The following ZBTB10 variants were observed in gnomAD, a reference collection of about 807,000 sequenced individuals.
The protein encoded by ZBTB10 is zinc finger and BTB domain-containing protein 10.
ZBTB10 carries 32 observed loss-of-function variants against 76.4 expected under a neutral mutation model. The ratio of observed to expected loss-of-function variants is 0.42; its 90% CI spans 0.32 to 0.56. ZBTB10 has a LOEUF of 0.56. Among genes scored for constraint, ZBTB10 ranks in the 20% least tolerant of loss-of-function variants. The pLI is 0.14. For synonymous variants in ZBTB10, 523 were observed against 432.9 expected (o/e 1.21, Z -2.58); for missense variants, 1,057 against 1,098.5 (o/e 0.96, Z 0.53).
At chr8:80,501,179 G>C (rs755590728) in intron 2 of ZBTB10, among the ~76,000 whole-genome samples, 19 of 152,232 alleles carry the variant, frequency 1.2e-4, no homozygotes, top group Non-Finnish European at 2.5e-4. Context: ...AGCAGGTACT[G>C]TTCTGTTCTC....
At position 80,504,392 on chromosome 8, in the gene ZBTB10, T is replaced by C. The variant is rs532020795; in HGVS notation, c.1861+4010T>C. On this transcript the variant is annotated intron_variant, in intron 2 of 5. Coordinates refer to ENST00000455036, the MANE Select transcript of ZBTB10 (RefSeq NM_001105539.3). ...GGTCTTCAGCACAGAGTTTGTAAGA[T>C]ACAGTTCTAATAACGCTGTCTTGTA... Among the ~76,000 whole-genome samples the C allele has an allele frequency of 1.8e-4, 27 of 152,344 alleles. No homozygotes were observed. The South Asian group carries it at 5.6e-3, about 32-fold the overall frequency.
At chr8:80,486,103 C>T (rs1314771568), upstream of ZBTB10, 2 of 461,832 alleles carry the variant, frequency 4.3e-6, no homozygotes, top group African/African-American at 4.8e-5. Flanking sequence ...GGTCCCCTGG[C>T]GCCCCCACCC....
chr8:80,510,189 A>G (rs183577956), intron 2 of ZBTB10, among the ~76,000 whole-genome samples: 1 of 152,160 alleles, frequency 6.6e-6, no homozygotes, highest in Non-Finnish European at 1.5e-5. Flanking sequence ...ATTAATGTTT[A>G]TTTTTGTTCA....
chr8:80,517,776 G>C (rs1816362063), intron 3 of ZBTB10, among the ~76,000 whole-genome samples: 1 of 148,982 alleles, frequency 6.7e-6, no homozygotes, highest in African/African-American at 2.5e-5. Flanking sequence ...ACTATTAGGA[G>C]TTCTGGTTTG....
chr8:80,495,133 CTCTT>C (rs1434343638), intron 1 of ZBTB10, among the ~76,000 whole-genome samples: 2 of 141,178 alleles, frequency 1.4e-5, no homozygotes, highest in African/African-American at 2.5e-5. Flanking sequence ...ATCTCTCTCT[CTCTT>C]TTTTTTTTTT....
chr8:80,499,756 C>T lies in ZBTB10; in HGVS notation c.1235C>T (p.Ala412Val). 1 of 1,613,960 alleles carries T rather than the reference C, an allele frequency of 6.2e-7. No individual in the cohort carries two copies. Among genetic ancestry groups the T allele is most frequent in the Non-Finnish European group, 8.5e-7 (1 of 1,179,874 alleles). ...NQNNTTHLDI[A>V]AVQGFSVILD... The stretch of plus-strand genomic sequence containing the variant: ...AACAATACTACCCACTTAGATATTG[C>T]TGCAGTTCAAGGTTTTTCAGTCATC... The change falls in exon 2 of 6, where the codon GCT becomes GTT. Residue 412 changes from alanine (A) to valine (V), a missense_variant. This residue lies in a region of ZBTB10 where 86 missense variants were observed against 145.7 expected (regional missense o/e 0.59). Coordinates refer to ENST00000455036, the MANE Select transcript of ZBTB10 (RefSeq NM_001105539.3).
chr8:80,489,778 A>G (rs1020911000), intron 1 of ZBTB10, among the ~76,000 whole-genome samples: 1 of 152,192 alleles, frequency 6.6e-6, no homozygotes, highest in Non-Finnish European at 1.5e-5. Context: ...TCTTTGGGAC[A>G]TTCTATACAA....
At chr8:80,498,806 C>A (rs920337547) in intron 1 of ZBTB10, among the ~76,000 whole-genome samples, 19 of 152,246 alleles carry the variant, frequency 1.2e-4, no homozygotes, top group African/African-American at 4.1e-4. Context: ...AATTTATAAA[C>A]ATTTAGAATT....
Position 80,486,601 on chromosome 8 carries a change from CCGGCAGCGGCAG to C in ZBTB10, c.-200_-189del, listed in dbSNP as rs537446139. The C allele has an allele frequency of 1.6e-5, 16 of 987,066 alleles. No individual in the cohort carries two copies. Among genetic ancestry groups the C allele is most frequent in the Admixed American group, 6.1e-5 (1 of 16,310 alleles). The allele number at this position is 987,066 out of a possible 1,614,324, so 61.1% of individuals were successfully genotyped here. On this transcript the variant is annotated 5_prime_UTR_variant, in exon 1 of 6. Transcript: ENST00000455036. ...CGAGAGAGCGGTCGGAGGCGTCGGC[CCGGCAGCGGCAG>C]CGGCAGCGGACGCGTGCAGCAGACC... is the stretch of plus-strand genomic sequence containing the variant.
intron 1 of ZBTB10, among the ~76,000 whole-genome samples, chr8:80,495,434 C>T (rs1262619916): frequency 6.7e-6 from 1 of 148,980 alleles, no homozygotes; most frequent in East Asian, 1.9e-4. Context: ...TTTTTAAATG[C>T]CGTCGCATTT....
chr8:80,502,429 G>T (rs1815947977), intron 2 of ZBTB10, among the ~76,000 whole-genome samples: 1 of 151,990 alleles, frequency 6.6e-6, no homozygotes, highest in Non-Finnish European at 1.5e-5. Context: ...AGAGACGGGG[G>T]TCTCACCATG....
Position 80,500,282 on chromosome 8 carries a change from T to C in ZBTB10, c.1761T>C (p.Asn587=), listed in dbSNP as rs1158784101. ...KNQTTKRFIY[N]IPPNNETNLE... Reference sequence around the variant, plus strand: ...AAACTACAAAAAGATTTATTTATAATATTCCACCTAATAATGAAACGAATT... The same window carrying C: ...AAACTACAAAAAGATTTATTTATAACATTCCACCTAATAATGAAACGAATT... The change falls in exon 2 of 6, where the codon AAT becomes AAC. Residue 587 remains asparagine, a synonymous_variant. Coordinates refer to ENST00000455036, the MANE Select transcript of ZBTB10 (RefSeq NM_001105539.3). 1 of 1,574,646 alleles carries C rather than the reference T, an allele frequency of 6.4e-7. No individual in the cohort carries two copies. Among genetic ancestry groups the C allele is most frequent in the East Asian group, 2.3e-5 (1 of 42,692 alleles).
At chr8:80,519,108 T>C (rs1221719212) in intron 5 of ZBTB10, 115 bp from the exon 6 acceptor site, 56 of 1,405,424 alleles carry the variant, frequency 4.0e-5, no homozygotes, top group Non-Finnish European at 5.1e-5. Context: ...GTGAGCTTTT[T>C]ACAGAGAAAC....
At chr8:80,503,213 A>G (rs768933288) in intron 2 of ZBTB10, among the ~76,000 whole-genome samples, 4 of 152,216 alleles carry the variant, frequency 2.6e-5, no homozygotes, top group Non-Finnish European at 4.4e-5. Flanking sequence ...TAGAATTATT[A>G]TGAAAATGAA....
At chr8:80,498,161 T>G (rs934584121) in intron 1 of ZBTB10, among the ~76,000 whole-genome samples, 3 of 152,324 alleles carry the variant, frequency 2.0e-5, no homozygotes, top group Admixed American at 2.0e-4. Context: ...TTCGTGATTG[T>G]TTAGGGATCC....
chr8:80,511,110 A>G (rs1301742858), intron 2 of ZBTB10, among the ~76,000 whole-genome samples: 1 of 152,196 alleles, frequency 6.6e-6, no homozygotes, highest in Non-Finnish European at 1.5e-5. Context: ...GGAAGAACTC[A>G]CCTGTTTTTG....
In ZBTB10 at chr8:80,522,337, A is replaced by G. The variant is rs1315293426; in HGVS notation, c.*2809A>G. 6.6e-6 allele frequency: 1 copy of G among 151,872 alleles called. No individual in the cohort carries two copies. Among genetic ancestry groups the G allele is most frequent in the Non-Finnish European group, 1.5e-5 (1 of 67,832 alleles). 9.4% of individuals were successfully genotyped at this position (151,872 alleles called of 1,614,324 possible). On this transcript the variant is annotated 3_prime_UTR_variant, in exon 6 of 6. Transcript: ENST00000455036. Reference sequence around the variant, plus strand: ...ACATTTGGCGAAGTTGTCTCTTGTAATTTATATTTTAAATGAAAAAGTATT... The same window carrying G: ...ACATTTGGCGAAGTTGTCTCTTGTAGTTTATATTTTAAATGAAAAAGTATT...
chr8:80,496,261 T>G (rs181744833), intron 1 of ZBTB10, among the ~76,000 whole-genome samples: 1 of 152,282 alleles, frequency 6.6e-6, no homozygotes, highest in Admixed American at 6.5e-5. Flanking sequence ...TGCTTTGTGC[T>G]TATTTAGCTC....
At chr8:80,492,565 G>A (rs374785170) in intron 1 of ZBTB10, among the ~76,000 whole-genome samples, 93 of 151,844 alleles carry the variant, frequency 6.1e-4, no homozygotes, top group East Asian at 4.7e-3. Flanking sequence ...TGCAACCTCC[G>A]CCTCCTGGGT....
Sources: gnomAD v4.1 joint callset for allele counts (sites outside exome capture counted in the v4.1 genomes callset) on GRCh38, gnomAD v4.1.1 for gene constraint, gnomAD v4.1.1 regional missense constraint, MANE v1.5 for transcripts, NCBI Gene and HGNC (gene_info 2026-07-23, HGNC 2026-07-21) for gene names.